Variants in SP140L observed in about 807,000 individuals in gnomAD.
SP140L encodes the protein SP140 like nuclear body protein, also known as nuclear body protein SP140-like protein.
A neutral mutation model predicts 84.3 loss-of-function variants in SP140L; 64 were observed. That is an observed-to-expected ratio of 0.76 (90% confidence interval 0.62 to 0.94). The LOEUF (loss-of-function observed/expected upper bound fraction) is 0.94. SP140L is among the 40% of genes least tolerant of loss of function. The probability of loss-of-function intolerance (pLI) is 0.00; values close to 1 mark genes in which losing one functional copy is unlikely to be tolerated. For missense variants in SP140L, 628 were observed against 692.5 expected (o/e 0.91, Z 1.05); for synonymous variants, 242 against 236.9 (o/e 1.02, Z -0.20).
chr2:230,368,471 C>G (rs901376708), intron 5 of SP140L, among the ~76,000 whole-genome samples: 1 of 152,128 alleles, frequency 6.6e-6, no homozygotes, highest in Non-Finnish European at 1.5e-5. Flanking sequence ...TTTTGACCTT[C>G]TGGTACCTGA....
chr2:230,397,465 T>C (rs1267054910), intron 14 of SP140L, among the ~76,000 whole-genome samples: 1 of 152,202 alleles, frequency 6.6e-6, no homozygotes. Context: ...GCTTATCTGG[T>C]GCTCAGTACT....
intron 2 of SP140L, among the ~76,000 whole-genome samples, chr2:230,342,482 C>T (rs961738700): frequency 5.9e-5 from 9 of 152,336 alleles, no homozygotes; most frequent in East Asian, 5.8e-4. Flanking sequence ...AGCTGTAGAC[C>T]GGAGCTGTTC....
At chr2:230,331,464 GT>G (rs1433092801) in intron 2 of SP140L, among the ~76,000 whole-genome samples, 4 of 152,076 alleles carry the variant, frequency 2.6e-5, no homozygotes, top group Admixed American at 2.6e-4. Flanking sequence ...CTAATCCATG[GT>G]TATATTTTTT....
chr2:230,355,294 A>G (rs763794519), intron 2 of SP140L, among the ~76,000 whole-genome samples: 3 of 152,196 alleles, frequency 2.0e-5, no homozygotes, highest in Non-Finnish European at 4.4e-5. Context: ...CAAACCAATC[A>G]TATCTCCTAC....
chr2:230,367,295 CTTTTTTTTTT>C (rs200306286), intron 5 of SP140L, among the ~76,000 whole-genome samples: 10 of 118,050 alleles, frequency 8.5e-5, no homozygotes, highest in African/African-American at 2.6e-4. Flanking sequence ...TCTTTTTTTT[CTTTTTTTTTT>C]TTTTTGAGAC....
At chr2:230,356,341 C>T (rs769224697) in intron 2 of SP140L, among the ~76,000 whole-genome samples, 1 of 152,178 alleles carries the variant, frequency 6.6e-6, no homozygotes, top group Non-Finnish European at 1.5e-5. Flanking sequence ...ACTGAATCCA[C>T]TCCAATGTCC....
chr2:230,348,653 C>T (rs1469747364), intron 2 of SP140L, among the ~76,000 whole-genome samples: 3 of 152,148 alleles, frequency 2.0e-5, no homozygotes, highest in Non-Finnish European at 4.4e-5. Context: ...ATATTTTCTC[C>T]CAGACTGTGC....
Position 230,328,745 on chromosome 2 carries a change from T to C in SP140L, c.33-12T>C, listed in dbSNP as rs759349033. On this transcript the variant is annotated splice_polypyrimidine_tract_variant and intron_variant, in intron 1 of 18. Coordinates refer to ENST00000415673, the MANE Select transcript of SP140L (RefSeq NM_138402.6). ...TTACTTGTTTATAGATCCTGCCAAA[T>C]TGTCTTTTTAGGGGGCTGAACGGAG... The C allele has an allele frequency of 4.3e-6, 7 of 1,611,128 alleles. No homozygotes were observed. Among genetic ancestry groups the C allele is most frequent in the Middle Eastern group, 1.7e-4 (1 of 6,044 alleles).
At chr2:230,391,055 A>T (rs558123912) in intron 11 of SP140L, among the ~76,000 whole-genome samples, 1 of 152,346 alleles carries the variant, frequency 6.6e-6, no homozygotes, top group East Asian at 1.9e-4. Context: ...ATATTGTATT[A>T]GTACTTCATT....
At chr2:230,354,869 G>GAAAGAAAGAAAGAAAGAAAGA (rs2060480946) in intron 2 of SP140L, among the ~76,000 whole-genome samples, 2 of 112,658 alleles carry the variant, frequency 1.8e-5, no homozygotes, top group Non-Finnish European at 3.7e-5. Context: ...AAGAAAGAAA[G>GAAAGAAAGAAAGAAAGAAAGA]AAAGAAAGAA....
At chr2:230,353,433 A>T (rs993253519) in intron 2 of SP140L, among the ~76,000 whole-genome samples, 30 of 152,058 alleles carry the variant, frequency 2.0e-4, no homozygotes, top group African/African-American at 7.0e-4. Flanking sequence ...TATTTTGTCC[A>T]TTTTTGGTAT....
rs759270126 is a variant in SP140L at position 230,388,647 on chromosome 2, G to GA, written c.859+15dup. 3 of 1,593,498 alleles carry GA rather than the reference G, an allele frequency of 1.9e-6. No individual in the cohort carries two copies. Reference sequence around the variant, plus strand: ...TCCGATCAAGAGGTAAAAAAGAAAAGAGGAATGCACTTTCAATAACTAAAC... The same window carrying GA: ...TCCGATCAAGAGGTAAAAAAGAAAAGAAGGAATGCACTTTCAATAACTAAAC... On this transcript the variant is annotated intron_variant, in intron 10 of 18. Coordinates refer to ENST00000415673, the MANE Select transcript of SP140L (RefSeq NM_138402.6).
intron 2 of SP140L, among the ~76,000 whole-genome samples, chr2:230,337,598 T>G (rs374214038): frequency 3.5e-4 from 53 of 152,092 alleles, no homozygotes; most frequent in African/African-American, 8.0e-4. Flanking sequence ...GTAATGCCTA[T>G]GTTTTCTTCT....
At chr2:230,394,799 C>T (rs148220893) in intron 13 of SP140L, among the ~76,000 whole-genome samples, 1 of 152,338 alleles carries the variant, frequency 6.6e-6, no homozygotes, top group Non-Finnish European at 1.5e-5. Context: ...CAGAGCTTCT[C>T]TTCCTTGCAG....
chr2:230,362,520 TGA>T (rs910356655), intron 5 of SP140L, among the ~76,000 whole-genome samples: 5 of 150,202 alleles, frequency 3.3e-5, no homozygotes, highest in Admixed American at 2.0e-4. Context: ...ATGTAGGTAT[TGA>T]GAGAGAGAGA....
intron 9 of SP140L, 38 bp from the exon 10 acceptor site, chr2:230,388,521 T>G: frequency 1.3e-6 from 2 of 1,551,696 alleles, no homozygotes; most frequent in Non-Finnish European, 1.8e-6. Flanking sequence ...ACACAGCTGC[T>G]CATTTGTAAC....
chr2:230,330,934 T>C (rs767011850), intron 2 of SP140L, among the ~76,000 whole-genome samples: 30 of 152,310 alleles, frequency 2.0e-4, no homozygotes, highest in Middle Eastern at 3.4e-3. Context: ...ATCCACAATG[T>C]GGACACCACC....
At chr2:230,341,160 G>C (rs937800312) in intron 2 of SP140L, among the ~76,000 whole-genome samples, 1 of 131,440 alleles carries the variant, frequency 7.6e-6, no homozygotes, top group Non-Finnish European at 1.6e-5. Context: ...TTTTCACATA[G>C]TCCCATATTT....
chr2:230,353,090 C>T (rs73110356), intron 2 of SP140L, among the ~76,000 whole-genome samples: 18,792 of 151,928 alleles, frequency 0.12, 1,201 homozygotes, highest in Middle Eastern at 0.15. Context: ...TTTTATTTAT[C>T]AATGTAAAAT....
Sources: allele counts gnomAD v4.1 joint callset (sites outside exome capture counted in the v4.1 genomes callset), GRCh38; gene constraint gnomAD v4.1.1; transcripts MANE v1.5; gene names NCBI Gene and HGNC (gene_info 2026-07-23, HGNC 2026-07-21).